CDK12: variants seen among roughly 807,000 people sequenced by gnomAD.
CDK12 encodes the protein cyclin dependent kinase 12.
In CDK12, 17 loss-of-function variants were observed where a neutral mutation model predicts 133.8. That is an observed-to-expected ratio of 0.13 (90% CI 0.09 to 0.19). The LOEUF (loss-of-function observed/expected upper bound fraction) is 0.19. CDK12 is among the 10% of genes least tolerant of loss of function. The probability of loss-of-function intolerance (pLI) is 1.00; values close to 1 mark genes in which losing one functional copy is unlikely to be tolerated. For missense variants in CDK12, 1,508 were observed against 1,818.7 expected, an observed-to-expected ratio of 0.83 and a Z score of 3.11; for synonymous variants, 694 against 683.6, an observed-to-expected ratio of 1.02 and a Z score of -0.24.
intron 1 of CDK12, among the ~76,000 whole-genome samples, chr17:39,463,767 C>T (rs531985764): frequency 6.6e-6 from 1 of 151,540 alleles, no homozygotes; most frequent in East Asian, 1.9e-4. Context: ...ACTGACCTAC[C>T]TTGTGACCGC....
At chr17:39,530,397 A>T in intron 13 of CDK12, 1 of 583,032 alleles carries the variant, frequency 1.7e-6, no homozygotes, top group Non-Finnish European at 2.7e-6. Context: ...TGATATTTTT[A>T]CACTAGCTGT....
chr17:39,560,394 G>A (rs1056952267), intron 3 of CDK12, among the ~76,000 whole-genome samples: 2 of 152,200 alleles, frequency 1.3e-5, no homozygotes, highest in Non-Finnish European at 2.9e-5. Flanking sequence ...CTTGTTTGCT[G>A]AATGTTTTAT....
intron 9 of CDK12, among the ~76,000 whole-genome samples, chr17:39,516,514 A>G (rs971293276): frequency 2.7e-5 from 4 of 150,706 alleles, no homozygotes; most frequent in African/African-American, 9.8e-5. Context: ...AGTCCCAGCT[A>G]TTTTTCGTTC....
At chr17:39,510,057 C>T (rs544257512) in intron 7 of CDK12, among the ~76,000 whole-genome samples, 2 of 151,778 alleles carry the variant, frequency 1.3e-5, no homozygotes, top group Admixed American at 1.3e-4. Flanking sequence ...CTGCCTCAGC[C>T]TCCCAAAGTG....
intron 6 of CDK12, among the ~76,000 whole-genome samples, chr17:39,508,292 A>G (rs768899526): frequency 3.9e-5 from 6 of 152,102 alleles, no homozygotes; most frequent in Admixed American, 2.0e-4. Context: ...GATCTGAACT[A>G]TTAGACACCT....
intron 2 of CDK12, among the ~76,000 whole-genome samples, chr17:39,474,640 C>T (rs1390960978): frequency 6.6e-6 from 1 of 151,998 alleles, no homozygotes; most frequent in Non-Finnish European, 1.5e-5. Context: ...AATGATGATA[C>T]ATTGCAGCCC....
At chr17:39,495,125 C>G (rs2051972553) in intron 5 of CDK12, among the ~76,000 whole-genome samples, 1 of 152,068 alleles carries the variant, frequency 6.6e-6, no homozygotes. Flanking sequence ...GTCGCCCAGG[C>G]TGGATTGCAG....
intron 2 of CDK12, among the ~76,000 whole-genome samples, chr17:39,481,630 C>CGT (rs1461544153): frequency 3.9e-4 from 15 of 38,252 alleles, no homozygotes; most frequent in Non-Finnish European, 6.5e-5. Context: ...TGCTCGCTCG[C>CGT]GCGCTCTCTC....
Position 39,476,711 on chromosome 17 carries a change from C to CATTTTTTTTTTTTTTTT in CDK12, c.1931+4948_1931+4949insATTTTTTTTTTTTTTTT, listed in dbSNP as rs1555553398. The stretch of plus-strand genomic sequence containing the variant: ...TACAGGCATGAGCCACCATGCCTGC[C>CATTTTTTTTTTTTTTTT]TTTTTTTTTTTTTTTTTTTTTTTTT... On this transcript the variant is annotated intron_variant, in intron 2 of 13. Coordinates refer to ENST00000447079, the MANE Select transcript of CDK12 (RefSeq NM_016507.4). 5.8e-3 allele frequency among the ~76,000 whole-genome samples: 486 copies of CATTTTTTTTTTTTTTTT among 84,520 alleles called. 185 individuals are homozygous for CATTTTTTTTTTTTTTTT. Among genetic ancestry groups the CATTTTTTTTTTTTTTTT allele is most frequent in the Middle Eastern group, 0.016 (2 of 128 alleles). 55.4% of individuals were successfully genotyped at this position (84,520 alleles called of 152,430 possible). A position where few individuals can be genotyped will look rare whatever the true frequency, so the allele number is the denominator to read the frequency against.
rs371470225 is a variant in CDK12 at position 39,462,854 on chromosome 17, C to T, written c.783C>T (p.Ser261=). ...SRSHTSSNYD[S]YKKSPGSTSR... Reference sequence around the variant, plus strand: ...CTCATACCTCGAGCAATTATGACTCCTACAAGAAAAGTCCTGGAAGTACCT... The same window carrying T: ...CTCATACCTCGAGCAATTATGACTCTTACAAGAAAAGTCCTGGAAGTACCT... The change falls in exon 1 of 14, where the codon TCC becomes TCT. Residue 261 remains serine (S), a synonymous_variant. Transcript: ENST00000447079. 31 of 1,614,014 alleles carry T rather than the reference C, an allele frequency of 1.9e-5. No individual in the cohort carries two copies. The African/African-American group carries it at 3.1e-4, about 16-fold the overall frequency.
downstream of CDK12, among the ~76,000 whole-genome samples, chr17:39,537,973 G>A (rs75277344): frequency 0.014 from 2,063 of 152,172 alleles, 21 homozygotes; most frequent in Non-Finnish European, 0.022. Flanking sequence ...TTCATTTCAG[G>A]AAGACCCCAT....
upstream of CDK12, among the ~76,000 whole-genome samples, chr17:39,544,943 A>G (rs967428674): frequency 6.6e-6 from 1 of 152,122 alleles, no homozygotes; most frequent in Non-Finnish European, 1.5e-5. Flanking sequence ...AGGTGATCTC[A>G]GGGAAGTTTC....
Position 39,533,755 on chromosome 17 carries a change from A to G in CDK12, c.*2439A>G. The G allele has an allele frequency of 4.3e-6, 1 of 232,936 alleles. No individual in the cohort carries two copies. The highest frequency in any genetic ancestry group is 5.6e-5 in the Admixed American group (1 of 17,792). 14.4% of individuals were successfully genotyped at this position (232,936 alleles called of 1,614,324 possible). On this transcript the variant is annotated 3_prime_UTR_variant, in exon 14 of 14. Coordinates refer to ENST00000447079, the MANE Select transcript of CDK12 (RefSeq NM_016507.4). ...CCATTTTGGGAGTCTTTTAAAATGA[A>G]AACAAAGTTTGGTAGTTTTGACTAT... is the stretch of plus-strand genomic sequence containing the variant.
chr17:39,474,676 G>A (rs958534697), intron 2 of CDK12, among the ~76,000 whole-genome samples: 6 of 151,228 alleles, frequency 4.0e-5, no homozygotes, highest in East Asian at 1.9e-4. Flanking sequence ...ATGTTTTTTC[G>A]TACCCTCTGT....
chr17:39,511,902 T>C (rs976145103), intron 8 of CDK12, among the ~76,000 whole-genome samples: 1 of 152,204 alleles, frequency 6.6e-6, no homozygotes, highest in African/African-American at 2.4e-5. Context: ...TTGCAATTGA[T>C]TACATCAAAT....
In CDK12 at chr17:39,519,998, A is replaced by C; in HGVS notation, c.3006A>C (p.Thr1002=). ...AALDLLDHML[T]LDPSKRCTAE... ...TTGATTTATTGGACCACATGCTGAC[A>C]CTAGATCCTAGTAAGCGGTGCACAG... The change falls in exon 11 of 14, where the codon ACA becomes ACC. Residue 1002 remains threonine, a synonymous_variant. Coordinates refer to ENST00000447079, the MANE Select transcript of CDK12 (RefSeq NM_016507.4). 1 of 1,614,056 alleles carries C rather than the reference A, an allele frequency of 6.2e-7. No individual in the cohort carries two copies. The highest frequency in any genetic ancestry group is 8.5e-7 in the Non-Finnish European group (1 of 1,179,934).
In CDK12 at chr17:39,532,108, CTCTCTCTCT is replaced by C. The variant is rs2054891506; in HGVS notation, c.*793_*801del. The C allele has an allele frequency of 3.1e-5, 1 of 32,356 alleles. No individual in the cohort carries two copies. The highest frequency in any genetic ancestry group is 6.1e-5 in the African/African-American group (1 of 16,342). 2.0% of individuals were successfully genotyped at this position (32,356 alleles called of 1,614,324 possible). A position where few individuals can be genotyped will look rare whatever the true frequency, so the allele number is the denominator to read the frequency against. On this transcript the variant is annotated 3_prime_UTR_variant, in exon 14 of 14. Transcript: ENST00000447079. ...GTGTGCTCTCTCTCTCTCTTTCTCT[CTCTCTCTCT>C]CTCTCTCTCTCTCTCTCTCTCTCTC...
chr17:39,512,351 GTTTGT>G (rs1471947922), intron 8 of CDK12, among the ~76,000 whole-genome samples: 1 of 152,188 alleles, frequency 6.6e-6, no homozygotes, highest in Non-Finnish European at 1.5e-5. Context: ...CTACTTTACA[GTTTGT>G]TTTGAGTACT....
At position 39,526,025 on chromosome 17, in the gene CDK12, A is replaced by G; in HGVS notation, c.3469A>G (p.Ile1157Val). The part of the protein sequence containing the change: ...QQQLEALNQS[I>V]SALTEATSQQ... ...GCAGCTGGAAGCCCTGAACCAATCC[A>G]TCAGTGCCCTGACGGAAGCTACTTC... Residue 1157 changes from isoleucine (I) to valine (V), a missense_variant, in exon 13 of 14, where the codon ATC becomes GTC. Physicochemically the swap from Ile to Val is conservative, Grantham distance 29. This residue lies in a region of CDK12 where 399 missense variants were observed against 469.6 expected (regional missense o/e 0.85). Transcript: ENST00000447079. The G allele has an allele frequency of 6.2e-7, 1 of 1,614,198 alleles. No homozygotes were observed. The highest frequency in any genetic ancestry group is 8.5e-7 in the Non-Finnish European group (1 of 1,180,030).
Sources: allele counts gnomAD v4.1 joint callset (sites outside exome capture counted in the v4.1 genomes callset), GRCh38; gene constraint gnomAD v4.1.1; regional missense constraint gnomAD v4.1.1; transcripts MANE v1.5; gene names NCBI Gene and HGNC (gene_info 2026-07-23, HGNC 2026-07-21).